The following DHX8 variants were observed in gnomAD, a reference collection of about 807,000 sequenced individuals.
DHX8 encodes the protein DEAH-box helicase 8.
Under a neutral mutation model 140.7 loss-of-function variants are expected in DHX8, and 67 were observed. The ratio of observed to expected loss-of-function variants is 0.48; its 90% CI spans 0.39 to 0.58. The LOEUF is 0.58. Ranked by LOEUF, DHX8 falls within the 20% of genes least tolerant of loss-of-function variation. The probability of loss-of-function intolerance (pLI) is 0.00; values close to 1 mark genes in which losing one functional copy is unlikely to be tolerated. For missense variants in DHX8, 887 were observed against 1,550.7 expected, an observed-to-expected ratio of 0.57 and a Z score of 7.19; for synonymous variants, 533 against 553.2, an observed-to-expected ratio of 0.96 and a Z score of 0.51.
chr17:43,499,834 C>T, intron 10 of DHX8, 122 bp from the exon 11 acceptor site: 4 of 1,057,510 alleles, frequency 3.8e-6, no homozygotes, highest in South Asian at 3.0e-5. Context: ...TTCATATAGT[C>T]TGTTACATTG....
exon 4 of DHX8, chr17:43,544,361 GA>G (rs1393745426): frequency 6.5e-6 from 1 of 153,040 alleles, no homozygotes; most frequent in Non-Finnish European, 1.5e-5. Flanking sequence ...CGGGATGGAA[GA>G]GGGAGGAACA....
At chr17:43,510,487 C>T (rs540122533) in intron 16 of DHX8, among the ~76,000 whole-genome samples, 1 of 152,352 alleles carries the variant, frequency 6.6e-6, no homozygotes, top group South Asian at 2.1e-4. Flanking sequence ...TGCATGTAAA[C>T]TATGCACATC....
chr17:43,536,589 C>T (rs940437795), intron 3 of DHX8: 17 of 888,104 alleles, frequency 1.9e-5, no homozygotes, highest in Non-Finnish European at 3.2e-5. Flanking sequence ...GACCAACAGC[C>T]TTTAGATCAG....
chr17:43,507,622 C>T lies in DHX8; in HGVS notation c.2043C>T (p.Ile681=), dbSNP rs747332211. The change falls in exon 14 of 23, where the codon ATC becomes ATT. Residue 681 remains isoleucine, a synonymous_variant. Coordinates refer to ENST00000262415, the MANE Select transcript of DHX8 (RefSeq NM_004941.3). ...ACCCTGACCTCACTCAGTACGCGAT[C>T]ATCATGTTGGACGAGGCACATGAGA... The part of the protein sequence containing the change: ...LIDPDLTQYA[I]IMLDEAHERT... 1.9e-6 allele frequency: 3 copies of T among 1,614,164 alleles called. No homozygotes were observed. The highest frequency in any genetic ancestry group is 2.5e-6 in the Non-Finnish European group (3 of 1,180,034).
chr17:43,509,061 C>G (rs1013892410), intron 16 of DHX8, among the ~76,000 whole-genome samples: 1 of 152,234 alleles, frequency 6.6e-6, no homozygotes, highest in African/African-American at 2.4e-5. Flanking sequence ...TGAGCATCTA[C>G]CAGGCTTTGG....
intron 1 of DHX8, among the ~76,000 whole-genome samples, chr17:43,488,536 G>C (rs570385893): frequency 1.3e-5 from 2 of 151,414 alleles, no homozygotes; most frequent in Admixed American, 6.6e-5. Context: ...GCGTGAACCC[G>C]GGAGGTGGAG....
intron 16 of DHX8, among the ~76,000 whole-genome samples, chr17:43,508,821 G>A (rs1285571423): frequency 5.9e-5 from 9 of 151,826 alleles, no homozygotes; most frequent in African/African-American, 1.5e-4. Context: ...GGGTTTCACC[G>A]TGTTAGCCAG....
chr17:43,533,469 G>T, intron 2 of DHX8: 1 of 968,370 alleles, frequency 1.0e-6, no homozygotes, highest in Non-Finnish European at 1.5e-6. Context: ...AGAGGGGGCT[G>T]AGAAGGGAAC....
rs868222743 is a variant in DHX8 at position 43,533,087 on chromosome 17, C to T, written c.351-3325C>T. On this transcript the variant is annotated intron_variant, in intron 2 of 3. Transcript: ENST00000589898. ...ATTTCTCCCTTTCTATTCCACTGCC[C>T]CCTGCCTCTACCACCCCACAGCTCA... The T allele has an allele frequency of 2.6e-5, 39 of 1,522,806 alleles. No individual in the cohort carries two copies. The South Asian group carries it at 4.7e-4, about 18-fold the overall frequency. 94.3% of individuals were successfully genotyped at this position (1,522,806 alleles called of 1,614,324 possible).
chr17:43,513,709 CTTT>C (rs34829204), intron 17 of DHX8, among the ~76,000 whole-genome samples: 12 of 105,962 alleles, frequency 1.1e-4, no homozygotes, highest in African/African-American at 3.7e-4. Context: ...AGTTTTTAAT[CTTT>C]TTTTTTTTTT....
At chr17:43,517,467 A>T in intron 18 of DHX8, 145 bp downstream of exon 18, 1 of 941,512 alleles carries the variant, frequency 1.1e-6, no homozygotes, top group Non-Finnish European at 1.5e-6. Flanking sequence ...AATGGCTGTG[A>T]TAACAGCCTC....
chr17:43,506,144 C>T (rs1969481232), intron 12 of DHX8, among the ~76,000 whole-genome samples: 1 of 151,864 alleles, frequency 6.6e-6, no homozygotes, highest in South Asian at 2.1e-4. Context: ...GATGGGACTA[C>T]AAGGCATACA....
At chr17:43,533,472 A>G in intron 2 of DHX8, 1 of 932,396 alleles carries the variant, frequency 1.1e-6, no homozygotes, top group East Asian at 2.6e-5. Context: ...GGGGGCTGAG[A>G]AGGGAACGGC....
At chr17:43,494,619 G>T (rs1195468238) in intron 8 of DHX8, among the ~76,000 whole-genome samples, 1 of 150,154 alleles carries the variant, frequency 6.7e-6, no homozygotes, top group Non-Finnish European at 1.5e-5. Context: ...TACTCACGAC[G>T]CTGAGGCAGG....
chr17:43,530,063 C>T, downstream of DHX8: 1 of 1,611,246 alleles, frequency 6.2e-7, no homozygotes. Context: ...AGCGCTCCCT[C>T]CCCCAACATG....
At chr17:43,520,723 CAGTTGT>C (rs889963914) in intron 19 of DHX8, 22 bp from the exon 20 acceptor site, 22 of 1,613,528 alleles carry the variant, frequency 1.4e-5, no homozygotes, top group Non-Finnish European at 1.8e-5. Flanking sequence ...CACAGGGAAG[CAGTTGT>C]AGTCTTTTTT....
Position 43,504,346 on chromosome 17 carries a change from A to G in DHX8, c.1547-298A>G, listed in dbSNP as rs148443841. ...GCACTCCCACTTGGATGACAGAGCA[A>G]GACCCTACCTAAAAAAAAATAATTC... On this transcript the variant is annotated intron_variant, in intron 11 of 22. Transcript: ENST00000262415. Among the ~76,000 whole-genome samples the G allele has an allele frequency of 2.0e-5, 3 of 152,280 alleles. No individual in the cohort carries two copies. The East Asian group carries it at 5.8e-4, about 29-fold the overall frequency.
At chr17:43,500,635 C>T (rs1969134338) in intron 11 of DHX8, among the ~76,000 whole-genome samples, 1 of 152,090 alleles carries the variant, frequency 6.6e-6, no homozygotes, top group South Asian at 2.1e-4. Context: ...AAATGTTATT[C>T]TAGCGCGGTG....
intron 3 of DHX8, among the ~76,000 whole-genome samples, chr17:43,542,276 CAGAG>C (rs1971564277): frequency 6.6e-6 from 1 of 152,108 alleles, no homozygotes; most frequent in Non-Finnish European, 1.5e-5. Context: ...CACACAGTAT[CAGAG>C]GGATCAAGGA....
Sources: allele counts gnomAD v4.1 joint callset (sites outside exome capture counted in the v4.1 genomes callset), GRCh38; gene constraint gnomAD v4.1.1; transcripts MANE v1.5; gene names NCBI Gene and HGNC (gene_info 2026-07-23, HGNC 2026-07-21).